The following VWA3B variants were observed in gnomAD, a reference collection of about 807,000 sequenced individuals.
The protein encoded by VWA3B is von Willebrand factor A domain-containing protein 3B.
VWA3B carries 138 observed loss-of-function variants against 158.3 expected under a neutral mutation model. That is an observed-to-expected ratio of 0.87 (90% CI 0.76 to 1.00). The LOEUF is 1.00. Ranked by LOEUF, VWA3B falls within the 50% of genes least tolerant of loss-of-function variation. The pLI is 0.00. For synonymous variants in VWA3B, 596 were observed against 587.3 expected (o/e 1.01, Z -0.21); for missense variants, 1,555 against 1,565.1 (o/e 0.99, Z 0.11).
rs35992329 is a variant in VWA3B, at chr2:98,223,308, CA to C, written c.2020-4879del. Among the ~76,000 whole-genome samples the C allele has an allele frequency of 8.7e-3, 1,072 of 123,526 alleles. 11 individuals carry two copies. Among genetic ancestry groups the C allele is most frequent in the African/African-American group, 0.027 (906 of 33,314 alleles). 81.0% of individuals were successfully genotyped at this position (123,526 alleles called of 152,430 possible). A position where few individuals can be genotyped will look rare whatever the true frequency, so the allele number is the denominator to read the frequency against. Reference sequence around the variant, plus strand: ...TCTAAACAACAGAGAGAAAATAGACCAAAAAAAAAAAAAAAGGTAGAGCCAC... The same window carrying C: ...TCTAAACAACAGAGAGAAAATAGACCAAAAAAAAAAAAAAGGTAGAGCCAC... On this transcript the variant is annotated intron_variant, in intron 14 of 27. Transcript: ENST00000477737.
chr2:98,196,275 T>A (rs1682031435), intron 12 of VWA3B, among the ~76,000 whole-genome samples: 1 of 152,198 alleles, frequency 6.6e-6, no homozygotes, highest in Admixed American at 6.5e-5. Context: ...TTTTAAGTGT[T>A]CTCACCACTC....
intron 13 of VWA3B, among the ~76,000 whole-genome samples, chr2:98,213,856 T>C (rs1683750115): frequency 6.6e-6 from 1 of 152,178 alleles, no homozygotes; most frequent in African/African-American, 2.4e-5. Context: ...TAAAATTGTT[T>C]ACACTATGGA....
At chr2:98,297,420 TG>T (rs1339614056) in intron 23 of VWA3B, among the ~76,000 whole-genome samples, 5 of 152,198 alleles carry the variant, frequency 3.3e-5, no homozygotes, top group African/African-American at 4.8e-5. Flanking sequence ...CTGTATATTT[TG>T]GGGAAGCTGA....
intron 3 of VWA3B, 117 bp from the exon 4 acceptor site, chr2:98,119,396 T>G (rs1188816994): frequency 1.8e-6 from 2 of 1,141,612 alleles, no homozygotes; most frequent in African/African-American, 1.6e-5. Context: ...GATTCTGTAG[T>G]GTTTGGAGGG....
chr2:98,121,335 TA>T lies in VWA3B; in HGVS notation c.580del (p.Thr194LeufsTer3). 6.2e-7 allele frequency: 1 copy of T among 1,614,098 alleles called. No homozygotes were observed. The highest frequency in any genetic ancestry group is 8.5e-7 in the Non-Finnish European group (1 of 1,179,924). On this transcript the variant is annotated frameshift_variant, in exon 5 of 28. Transcript: ENST00000477737. LOFTEE classifies it high-confidence loss of function. ...AGCCTGTGAAGTGGCAGGAAAATGC[TA>T]CTCCTGTGACCGAACAGTCCATAGC... ...QEPVKWQENA[T>X]PVTEQSIATA...
intron 21 of VWA3B, among the ~76,000 whole-genome samples, chr2:98,268,327 A>G (rs1687979874): frequency 1.3e-5 from 2 of 152,236 alleles, no homozygotes; most frequent in South Asian, 4.1e-4. Context: ...CAGCACATCA[A>G]AAAGCTTATC....
intron 7 of VWA3B, among the ~76,000 whole-genome samples, chr2:98,161,895 C>T (rs542567076): frequency 9.2e-5 from 14 of 152,194 alleles, no homozygotes; most frequent in Non-Finnish European, 1.8e-4. Flanking sequence ...TTAGTAGAGA[C>T]GGGGTTTCAC....
At chr2:98,207,417 G>T (rs1323032931) in intron 12 of VWA3B, 5 of 473,868 alleles carry the variant, frequency 1.1e-5, no homozygotes, top group Non-Finnish European at 2.1e-5. Context: ...GGGTGCAAAA[G>T]ATTCTGCATG....
chr2:98,245,079 A>T (rs1171417970), intron 19 of VWA3B, among the ~76,000 whole-genome samples: 1 of 152,174 alleles, frequency 6.6e-6, no homozygotes, highest in Non-Finnish European at 1.5e-5. Flanking sequence ...TAAGGCTTCT[A>T]GGTTAACCTC....
chr2:98,291,000 A>C (rs1409930991), intron 23 of VWA3B: 1 of 189,446 alleles, frequency 5.3e-6, no homozygotes, highest in Non-Finnish European at 1.0e-5. Context: ...CAATGAAATA[A>C]ACAGATAAAA....
chr2:98,296,806 A>G (rs1176222075), intron 23 of VWA3B, among the ~76,000 whole-genome samples: 5 of 152,182 alleles, frequency 3.3e-5, no homozygotes, highest in Admixed American at 3.3e-4. Flanking sequence ...TTCAAGTCGG[A>G]TAAATTACAA....
chr2:98,189,842 G>A lies in VWA3B; in HGVS notation c.1466+1713G>A, dbSNP rs555549802. 3.5e-4 allele frequency among the ~76,000 whole-genome samples: 53 copies of A among 151,992 alleles called. No homozygotes were observed. In the East Asian group the frequency reaches 5.8e-3, roughly 17 times the overall value. On this transcript the variant is annotated intron_variant, in intron 10 of 27. Transcript: ENST00000477737. ...TTTTATATGTCTGGTAATATTCCTT[G>A]CTCTGAAATTTACTTTGATAGCAGT...
intron 22 of VWA3B, among the ~76,000 whole-genome samples, chr2:98,284,119 G>A (rs1465431729): frequency 6.6e-6 from 1 of 152,210 alleles, no homozygotes; most frequent in Non-Finnish European, 1.5e-5. Context: ...TTGGCTAAAT[G>A]TGAGCATCGT....
intron 8 of VWA3B, chr2:98,179,109 A>T (rs1460724668): frequency 2.4e-6 from 1 of 425,368 alleles, no homozygotes; most frequent in East Asian, 7.1e-5. Context: ...GGTCTCTTTC[A>T]TCCTACCAAG....
In VWA3B at chr2:98,246,470, C is replaced by T. The variant is rs550550518; in HGVS notation, c.2674-3848C>T. On this transcript the variant is annotated intron_variant, in intron 19 of 27. Coordinates refer to ENST00000477737, the MANE Select transcript of VWA3B (RefSeq NM_144992.5). ...TCGGCTCACTGCAACCTCCAACTCC[C>T]GAGTTCAAGCGATTCTCTTGCCTCA... 1.1e-3 allele frequency among the ~76,000 whole-genome samples: 161 copies of T among 152,060 alleles called. 1 individual carries two copies. The highest frequency in any genetic ancestry group is 2.7e-3 in the African/African-American group (111 of 41,428).
At chr2:98,256,941 T>C (rs1243679099) in intron 21 of VWA3B, among the ~76,000 whole-genome samples, 1 of 152,190 alleles carries the variant, frequency 6.6e-6, no homozygotes, top group Non-Finnish European at 1.5e-5. Context: ...TCCCTTTGTG[T>C]TGGGAACATT....
chr2:98,166,306 C>T (rs973015504), intron 8 of VWA3B, among the ~76,000 whole-genome samples: 8 of 152,154 alleles, frequency 5.3e-5, no homozygotes, highest in Admixed American at 3.3e-4. Flanking sequence ...CATTGCACTC[C>T]GGTCTGGGCA....
Position 98,242,215 on chromosome 2 carries a change from G to T in VWA3B, c.2673+5485G>T, listed in dbSNP as rs1207955246. On this transcript the variant is annotated intron_variant, in intron 19 of 27. Coordinates refer to ENST00000477737, the MANE Select transcript of VWA3B (RefSeq NM_144992.5). The stretch of plus-strand genomic sequence containing the variant: ...TGTTTCATTCATCACTTATGTATGG[G>T]CTCTTTCTTCTTCTGGAACACAATG... 8.8e-6 allele frequency: 4 copies of T among 456,066 alleles called. No homozygotes were observed. In the Admixed American group the frequency reaches 9.4e-5, roughly 11 times the overall value. The allele number at this position is 456,066 out of a possible 1,614,324, so 28.3% of individuals were successfully genotyped here. A position where few individuals can be genotyped will look rare whatever the true frequency, so the allele number is the denominator to read the frequency against.
At chr2:98,310,985 C>T (rs1428322983) in intron 26 of VWA3B, among the ~76,000 whole-genome samples, 2 of 152,122 alleles carry the variant, frequency 1.3e-5, no homozygotes, top group Non-Finnish European at 2.9e-5. Context: ...TTTTGTTTTT[C>T]CCTGACAATT....
Sources: gnomAD v4.1 joint callset for allele counts (sites outside exome capture counted in the v4.1 genomes callset) on GRCh38, gnomAD v4.1.1 for gene constraint, MANE v1.5 for transcripts, NCBI Gene and HGNC (gene_info 2026-07-23, HGNC 2026-07-21) for gene names.